Variants in RIN2 observed in about 807,000 individuals in gnomAD.
RIN2 encodes the protein RAB5 interacting protein 2.
A neutral mutation model predicts 78.0 loss-of-function variants in RIN2; 36 were observed. The observed-to-expected ratio is 0.46, with a 90% confidence interval of 0.35 to 0.61. The LOEUF (loss-of-function observed/expected upper bound fraction) is 0.61, where lower values mean the gene tolerates loss of function less well. RIN2 is among the 20% of genes least tolerant of loss of function. RIN2 has a pLI of 0.00. For synonymous variants in RIN2, 466 were observed against 466.8 expected (o/e 1.00, Z 0.02); for missense variants, 1,087 against 1,159.7 (o/e 0.94, Z 0.91).
chr20:19,926,918 C>T (rs958974028), intron 3 of RIN2, among the ~76,000 whole-genome samples: 13 of 152,202 alleles, frequency 8.5e-5, no homozygotes, highest in African/African-American at 3.1e-4. Context: ...TTTTATCTAA[C>T]CCTAAAAGAA....
chr20:19,969,639 A>G (rs1473942209), intron 7 of RIN2, among the ~76,000 whole-genome samples: 2 of 152,202 alleles, frequency 1.3e-5, no homozygotes, highest in African/African-American at 4.8e-5. Flanking sequence ...CCATGCAGGC[A>G]GGAACTTCCG....
intron 2 of RIN2, among the ~76,000 whole-genome samples, chr20:19,853,754 A>T (rs140324711): frequency 0.011 from 1,730 of 152,120 alleles, 22 homozygotes; most frequent in African/African-American, 0.04. Context: ...AATTTCTTTG[A>T]GTTCTTCGTA....
chr20:19,837,996 G>A (rs4814908), intron 2 of RIN2, among the ~76,000 whole-genome samples: 78,595 of 152,056 alleles, frequency 0.52, 24,252 homozygotes, highest in East Asian at 0.77. Context: ...GAAAAAGAAA[G>A]TAATTTATTC....
chr20:19,963,610 C>CAAAAAAAAAAAAA (rs11358752), intron 6 of RIN2, among the ~76,000 whole-genome samples: 1 of 116,890 alleles, frequency 8.6e-6, no homozygotes. Context: ...ACTCTGTCTC[C>CAAAAAAAAAAAAA]AAAAAAAAAA....
chr20:19,822,793 A>G lies in RIN2; in HGVS notation c.-37+23046A>G, dbSNP rs140180701. 2.0e-5 allele frequency among the ~76,000 whole-genome samples: 3 copies of G among 152,332 alleles called. No homozygotes were observed. In the East Asian group the frequency reaches 5.8e-4, roughly 29 times the overall value. On this transcript the variant is annotated intron_variant, in intron 2 of 12. Coordinates refer to ENST00000255006, the MANE Select transcript of RIN2 (RefSeq NM_018993.4). ...GCTAATATATGCATTATTATGGTTA[A>G]TATTTTTAACAATAATTTAACTTGC...
intron 2 of RIN2, among the ~76,000 whole-genome samples, chr20:19,802,471 TAAAAAA>T (rs11300762): frequency 1.4e-5 from 2 of 140,038 alleles, no homozygotes; most frequent in Non-Finnish European, 3.1e-5. Flanking sequence ...AAAGTTTCTT[TAAAAAA>T]AAAAAAAAAA....
In RIN2 at chr20:19,842,219, TTG is replaced by T. The variant is rs1343484663; in HGVS notation, c.-37+42474_-37+42475del. 2.1e-3 allele frequency among the ~76,000 whole-genome samples: 157 copies of T among 74,708 alleles called. 1 individual carries two copies. The highest frequency in any genetic ancestry group is 4.6e-3 in the African/African-American group (152 of 32,998). 49.0% of individuals were successfully genotyped at this position (74,708 alleles called of 152,430 possible). A position where few individuals can be genotyped will look rare whatever the true frequency, so the allele number is the denominator to read the frequency against. Reference sequence around the variant, plus strand: ...TTTTTTGTTTCTTTGTTTTTTTTGTTTGTTTGTTTGTTTGTTTGTTTGAGACA... The same window carrying T: ...TTTTTTGTTTCTTTGTTTTTTTTGTTTTTGTTTGTTTGTTTGTTTGAGACA... On this transcript the variant is annotated intron_variant, in intron 2 of 12. Coordinates refer to ENST00000255006, the MANE Select transcript of RIN2 (RefSeq NM_018993.4).
At chr20:19,958,712 T>C (rs2041637301) in intron 5 of RIN2, among the ~76,000 whole-genome samples, 1 of 152,118 alleles carries the variant, frequency 6.6e-6, no homozygotes, top group Admixed American at 6.6e-5. Flanking sequence ...CTACTAAAAA[T>C]ACACAAGTTA....
chr20:19,818,080 G>A (rs62200173), intron 2 of RIN2, among the ~76,000 whole-genome samples: 5,748 of 146,656 alleles, frequency 0.039, 161 homozygotes, highest in South Asian at 0.089. Context: ...TCTTGCTTCT[G>A]AGTTACAAAC....
At position 19,974,721 on chromosome 20, in the gene RIN2, C is replaced by T. The variant is rs776488354; in HGVS notation, c.696C>T (p.Ser232=). 3 of 1,614,002 alleles carry T rather than the reference C, an allele frequency of 1.9e-6. No individual in the cohort carries two copies. Among genetic ancestry groups the T allele is most frequent in the South Asian group, 1.1e-5 (1 of 91,080 alleles). ...NLPPPHRPLS[S]DGVCPASLRQ... The stretch of plus-strand genomic sequence containing the variant: ...CACCTCCCCATAGGCCTCTTTCCTC[C>T]GACGGTGTCTGTCCTGCCTCCCTGC... The change falls in exon 9 of 13, where the codon TCC becomes TCT. Residue 232 remains serine (S), a synonymous_variant. Coordinates refer to ENST00000255006, the MANE Select transcript of RIN2 (RefSeq NM_018993.4).
chr20:19,857,995 C>T (rs1272564482), intron 2 of RIN2, among the ~76,000 whole-genome samples: 3 of 152,266 alleles, frequency 2.0e-5, no homozygotes, highest in Admixed American at 2.0e-4. Context: ...ATTTGTCTTA[C>T]ATGTGCATTT....
intron 3 of RIN2, among the ~76,000 whole-genome samples, chr20:19,907,316 T>C (rs424408): frequency 0.71 from 107,563 of 152,146 alleles, 38,912 homozygotes; most frequent in East Asian, 0.96. Context: ...GTTTCCAACA[T>C]ATGAACTTTG....
intron 2 of RIN2, among the ~76,000 whole-genome samples, chr20:19,887,044 G>A (rs1369942912): frequency 4.8e-5 from 7 of 146,814 alleles, no homozygotes; most frequent in African/African-American, 1.3e-4. Context: ...TTTTTCTTTC[G>A]AGACAGAGTG....
intron 3 of RIN2, among the ~76,000 whole-genome samples, chr20:19,912,057 C>T (rs1247312534): frequency 3.3e-5 from 5 of 152,144 alleles, no homozygotes; most frequent in Non-Finnish European, 7.3e-5. Flanking sequence ...CTCTTCTACC[C>T]ATTTCAGAGT....
chr20:19,863,558 T>C (rs927721743), intron 2 of RIN2, among the ~76,000 whole-genome samples: 18 of 152,242 alleles, frequency 1.2e-4, no homozygotes, highest in Admixed American at 6.5e-4. Flanking sequence ...CTTACCAGCA[T>C]TACTCTGTGA....
intron 3 of RIN2, among the ~76,000 whole-genome samples, chr20:19,919,892 T>C (rs1009966731): frequency 6.6e-6 from 1 of 152,216 alleles, no homozygotes; most frequent in East Asian, 1.9e-4. Flanking sequence ...ATAAGTACTC[T>C]ATAAACACAT....
chr20:19,830,416 T>G (rs1305548854), intron 2 of RIN2, among the ~76,000 whole-genome samples: 3 of 152,202 alleles, frequency 2.0e-5, no homozygotes, highest in Admixed American at 1.3e-4. Flanking sequence ...GAAGACCCCC[T>G]GCACTCTCAG....
intron 4 of RIN2, among the ~76,000 whole-genome samples, chr20:19,952,251 T>A (rs1052805430): frequency 6.6e-6 from 1 of 152,202 alleles, no homozygotes; most frequent in African/African-American, 2.4e-5. Context: ...GGAGAGGATG[T>A]AGCTTCCTGG....
chr20:19,883,223 T>C (rs1456456032), intron 2 of RIN2, among the ~76,000 whole-genome samples: 1 of 152,086 alleles, frequency 6.6e-6, no homozygotes, highest in Admixed American at 6.6e-5. Context: ...AAGGGATGCC[T>C]GCAGGGGTGG....
Sources: gnomAD v4.1 joint callset for allele counts (sites outside exome capture counted in the v4.1 genomes callset) on GRCh38, gnomAD v4.1.1 for gene constraint, MANE v1.5 for transcripts, NCBI Gene and HGNC (gene_info 2026-07-23, HGNC 2026-07-21) for gene names.